The following HYKK variants were observed in gnomAD, a reference collection of about 807,000 sequenced individuals.
HYKK encodes the protein 5-hydroxy-L-lysine kinase.
In HYKK, 19 loss-of-function variants were observed where a neutral mutation model predicts 29.7. The ratio of observed to expected loss-of-function variants is 0.64; its 90% CI spans 0.45 to 0.94. HYKK has a LOEUF of 0.94. Ranked by LOEUF, HYKK falls within the 40% of genes least tolerant of loss-of-function variation. The pLI is 0.00. For synonymous variants in HYKK, 152 were observed against 158.1 expected (o/e 0.96, Z 0.29); for missense variants, 390 against 443.4 (o/e 0.88, Z 1.08).
At chr15:78,531,182 G>A (rs1479669535) in intron 4 of HYKK, among the ~76,000 whole-genome samples, 4 of 152,068 alleles carry the variant, frequency 2.6e-5, no homozygotes, top group Admixed American at 1.3e-4. Flanking sequence ...GAATCTTAAT[G>A]AATTTAAATA....
At chr15:78,527,634 T>A in intron 4 of HYKK, 71 bp downstream of exon 4, 6 of 1,567,908 alleles carry the variant, frequency 3.8e-6, no homozygotes, top group Non-Finnish European at 5.2e-6. Flanking sequence ...CAGAAAAGTA[T>A]GGAGGTACAA....
At chr15:78,536,726 T>A (rs1011916924), downstream of HYKK, 4 of 152,208 alleles carry the variant, frequency 2.6e-5, no homozygotes, top group African/African-American at 4.8e-5. Context: ...TGATGGTTAG[T>A]TTTAGGTGCC....
intron 2 of HYKK, among the ~76,000 whole-genome samples, chr15:78,513,650 T>C (rs959623345): frequency 2.0e-5 from 3 of 152,180 alleles, no homozygotes; most frequent in Admixed American, 2.0e-4. Context: ...TGAGTAGTGG[T>C]TAGAGCCCAA....
intron 1 of HYKK, among the ~76,000 whole-genome samples, chr15:78,507,891 C>G (rs569334272): frequency 6.6e-6 from 1 of 152,192 alleles, no homozygotes; most frequent in Non-Finnish European, 1.5e-5. Context: ...AGCTGGGCCC[C>G]CAGAATGAAA....
At chr15:78,517,008 G>A (rs1325917020) in intron 3 of HYKK, among the ~76,000 whole-genome samples, 1 of 150,900 alleles carries the variant, frequency 6.6e-6, no homozygotes, top group Non-Finnish European at 1.5e-5. Context: ...GACAGAGCAA[G>A]ACCTTGTCTC....
At chr15:78,507,994 T>A (rs1346028768) in intron 1 of HYKK, among the ~76,000 whole-genome samples, 2 of 152,158 alleles carry the variant, frequency 1.3e-5, no homozygotes, top group Non-Finnish European at 2.9e-5. Context: ...CGGTGTCTAC[T>A]GGGAGCAGTC....
chr15:78,529,134 C>G (rs1042188573), intron 4 of HYKK, among the ~76,000 whole-genome samples: 1 of 152,204 alleles, frequency 6.6e-6, no homozygotes, highest in Non-Finnish European at 1.5e-5. Context: ...AGCCTTATAA[C>G]TGGTCTCCCT....
intron 3 of HYKK, among the ~76,000 whole-genome samples, chr15:78,516,821 G>A (rs2052138223): frequency 6.6e-6 from 1 of 151,098 alleles, no homozygotes; most frequent in South Asian, 2.1e-4. Flanking sequence ...AGGAGTTTGG[G>A]ACCAGCCTAG....
intron 3 of HYKK, among the ~76,000 whole-genome samples, chr15:78,522,142 T>G (rs1201805550): frequency 6.6e-6 from 1 of 152,072 alleles, no homozygotes; most frequent in Non-Finnish European, 1.5e-5. Flanking sequence ...AAATAATAAA[T>G]ATGCACAGTT....
At chr15:78,516,771 G>A (rs964529718) in intron 3 of HYKK, among the ~76,000 whole-genome samples, 1 of 138,154 alleles carries the variant, frequency 7.2e-6, no homozygotes, top group African/African-American at 2.8e-5. Flanking sequence ...TATAATTCCT[G>A]CATTTTGGGA....
Position 78,513,197 on chromosome 15 carries a change from G to T in HYKK, c.109G>T (p.Val37Phe). Residue 37 changes from valine (V) to phenylalanine (F), a missense_variant, in exon 2 of 5, where the codon GTC becomes TTC. Coordinates refer to ENST00000388988, the MANE Select transcript of HYKK (RefSeq NM_001013619.4). ...AGTGTTTGGGTTGAAAGTTTCCAAG[G>T]TCCGGCCACTTCCTAGCTATGATGA... ...ESVFGLKVSK[V>F]RPLPSYDDQN... The T allele has an allele frequency of 6.2e-7, 1 of 1,614,088 alleles. No individual in the cohort carries two copies. Among genetic ancestry groups the T allele is most frequent in the Non-Finnish European group, 8.5e-7 (1 of 1,179,988 alleles).
At chr15:78,536,973 T>C (rs796984576), downstream of HYKK, among the ~76,000 whole-genome samples, 6 of 152,242 alleles carry the variant, frequency 3.9e-5, no homozygotes, top group African/African-American at 1.4e-4. Flanking sequence ...TGCCCTCAGA[T>C]AGCAAAACTC....
At chr15:78,525,620 C>T (rs1417204344) in intron 3 of HYKK, among the ~76,000 whole-genome samples, 1 of 152,078 alleles carries the variant, frequency 6.6e-6, no homozygotes, top group Non-Finnish European at 1.5e-5. Flanking sequence ...GCCTCAGCCT[C>T]CCAAGTAGTT....
intron 3 of HYKK, among the ~76,000 whole-genome samples, chr15:78,516,755 C>T (rs1038862147): frequency 2.0e-5 from 3 of 151,574 alleles, no homozygotes; most frequent in Non-Finnish European, 4.4e-5. Flanking sequence ...TGTGGTGACT[C>T]ACGCCTATAA....
chr15:78,527,476 G>T lies in HYKK; in HGVS notation c.574G>T (p.Gly192Cys). The change falls in exon 4 of 5, where the codon GGC becomes TGC. Residue 192 changes from glycine to cysteine, a missense_variant. Gly to Cys is a radical substitution (Grantham distance 159). Coordinates refer to ENST00000388988, the MANE Select transcript of HYKK (RefSeq NM_001013619.4). ...PLLEKYLYALGQNRNREIVEH... is the reference protein window; with the variant it reads ...PLLEKYLYALCQNRNREIVEH... ...TCTGGAGAAATACCTGTATGCCCTG[G>T]GCCAGAATCGAAACCGAGAGATTGT... 6.2e-7 allele frequency: 1 copy of T among 1,613,976 alleles called. No homozygotes were observed. Among genetic ancestry groups the T allele is most frequent in the Non-Finnish European group, 8.5e-7 (1 of 1,179,992 alleles).
At chr15:78,517,868 G>A (rs551442390) in intron 3 of HYKK, among the ~76,000 whole-genome samples, 6 of 152,292 alleles carry the variant, frequency 3.9e-5, no homozygotes, top group South Asian at 2.1e-4. Flanking sequence ...GGCCCTGTGC[G>A]TGCCATGTAC....
rs754451249 is a variant in HYKK, at chr15:78,533,439, G to A, written c.891G>A (p.Leu297=). ...CAGGGTTTGAAAGCATCACCCCACT[G>A]ACAGCTGTAGAGAAGGGTGCTTTGT... ...VLAGFESITP[L]TAVEKGALFL... The change falls in exon 5 of 5, where the codon CTG becomes CTA. Residue 297 remains leucine, a synonymous_variant. Coordinates refer to ENST00000388988, the MANE Select transcript of HYKK (RefSeq NM_001013619.4). The A allele has an allele frequency of 1.2e-6, 2 of 1,614,176 alleles. No individual in the cohort carries two copies. The highest frequency in any genetic ancestry group is 4.5e-5 in the East Asian group (2 of 44,884).
intron 3 of HYKK, among the ~76,000 whole-genome samples, chr15:78,516,635 C>T (rs2141355744): frequency 6.6e-6 from 1 of 152,224 alleles, no homozygotes; most frequent in South Asian, 2.1e-4. Flanking sequence ...CAGGCATGAG[C>T]TACCCCATGC....
In HYKK at chr15:78,516,945, C is replaced by T. The variant is rs559901245; in HGVS notation, c.477+1838C>T. Among the ~76,000 whole-genome samples the T allele has an allele frequency of 6.6e-5, 10 of 151,512 alleles. 1 individual carries two copies. Among genetic ancestry groups the T allele is most frequent in the African/African-American group, 2.4e-4 (10 of 41,318 alleles). On this transcript the variant is annotated intron_variant, in intron 3 of 4. Coordinates refer to ENST00000388988, the MANE Select transcript of HYKK (RefSeq NM_001013619.4). Reference sequence around the variant, plus strand: ...GCTGAGGTGGGAGGATCACCTGAGCCCAGGAGGTTGAGGCTGCAGTGAGTT... The same window carrying T: ...GCTGAGGTGGGAGGATCACCTGAGCTCAGGAGGTTGAGGCTGCAGTGAGTT...
Sources: allele counts gnomAD v4.1 joint callset (sites outside exome capture counted in the v4.1 genomes callset), GRCh38; gene constraint gnomAD v4.1.1; transcripts MANE v1.5; gene names NCBI Gene and HGNC (gene_info 2026-07-23, HGNC 2026-07-21).